The following RGS6 variants were observed in gnomAD, a reference collection of about 807,000 sequenced individuals.
RGS6 encodes regulator of G-protein signaling 6.
In RGS6, 30 loss-of-function variants were observed where a neutral mutation model predicts 78.5. The ratio of observed to expected loss-of-function variants is 0.38; its 90% CI spans 0.29 to 0.52. The LOEUF is 0.52. Ranked by LOEUF, RGS6 falls within the 20% of genes least tolerant of loss-of-function variation. The probability of loss-of-function intolerance (pLI) is 0.85; values close to 1 mark genes in which losing one functional copy is unlikely to be tolerated. For synonymous variants in RGS6, 206 were observed against 206.0 expected (o/e 1.00, Z 0.00); for missense variants, 495 against 609.7 (o/e 0.81, Z 1.98).
intron 3 of RGS6, among the ~76,000 whole-genome samples, chr14:72,359,072 A>G (rs527959409): frequency 5.9e-5 from 9 of 152,322 alleles, no homozygotes; most frequent in Admixed American, 2.0e-4. Context: ...TGCTGCTGCC[A>G]TGTGAAGAAG....
intron 2 of RGS6, among the ~76,000 whole-genome samples, chr14:72,012,542 T>C (rs1349160234): frequency 6.6e-6 from 1 of 152,228 alleles, no homozygotes; most frequent in Non-Finnish European, 1.5e-5. Flanking sequence ...TGCACCATTT[T>C]CCCCACTTCT....
intron 2 of RGS6, among the ~76,000 whole-genome samples, chr14:72,296,234 T>C (rs138491912): frequency 7.9e-5 from 12 of 152,358 alleles, no homozygotes; most frequent in Non-Finnish European, 1.6e-4. Context: ...ATTGTGTGAA[T>C]GAATATGCCA....
At chr14:72,207,008 T>C (rs2042876642) in intron 2 of RGS6, among the ~76,000 whole-genome samples, 1 of 152,240 alleles carries the variant, frequency 6.6e-6, no homozygotes, top group African/African-American at 2.4e-5. Context: ...TCCTTGCATA[T>C]TGTTTGAATT....
intron 2 of RGS6, among the ~76,000 whole-genome samples, chr14:72,093,505 A>C (rs890232283): frequency 6.6e-6 from 1 of 152,184 alleles, no homozygotes; most frequent in Non-Finnish European, 1.5e-5. Flanking sequence ...TGGCCTCCTA[A>C]AGTGCTGGCA....
At chr14:72,242,443 T>C (rs930619032) in intron 2 of RGS6, among the ~76,000 whole-genome samples, 1 of 152,228 alleles carries the variant, frequency 6.6e-6, no homozygotes, top group Non-Finnish European at 1.5e-5. Flanking sequence ...TGTTTTCACC[T>C]TAAAATAACC....
intron 3 of RGS6, among the ~76,000 whole-genome samples, chr14:72,368,325 T>C (rs977097812): frequency 6.6e-6 from 1 of 152,166 alleles, no homozygotes; most frequent in Admixed American, 6.5e-5. Context: ...TTCTCACTTT[T>C]TCTCAAGATG....
chr14:71,960,563 C>A (rs1490527711), intron 1 of RGS6, among the ~76,000 whole-genome samples: 1 of 152,106 alleles, frequency 6.6e-6, no homozygotes, highest in African/African-American at 2.4e-5. Context: ...AGGGGTGAAC[C>A]CCAACGATAA....
chr14:71,936,328 T>A (rs1367087742), intron 1 of RGS6, among the ~76,000 whole-genome samples: 1 of 151,960 alleles, frequency 6.6e-6, no homozygotes, highest in Non-Finnish European at 1.5e-5. Flanking sequence ...TTTTCATGTT[T>A]TTCTGCCTCC....
intron 14 of RGS6, among the ~76,000 whole-genome samples, chr14:72,514,908 C>A (rs867493787): frequency 6.6e-6 from 1 of 152,234 alleles, no homozygotes. Context: ...CAGAGAGGAG[C>A]TGCTGTGGCT....
chr14:72,352,209 G>T lies in RGS6; in HGVS notation c.184+15G>T, dbSNP rs2079230078. ...TGTCGTCACAGGTAACACCCTCCTT[G>T]CAAGGTGTTGGTAACAGTCAGAACT... On this transcript the variant is annotated intron_variant, in intron 3 of 17. Coordinates refer to ENST00000553525, the MANE Select transcript of RGS6 (RefSeq NM_001204424.2). The T allele has an allele frequency of 6.3e-7, 1 of 1,599,610 alleles. No individual in the cohort carries two copies. Among genetic ancestry groups the T allele is most frequent in the Non-Finnish European group, 8.6e-7 (1 of 1,167,966 alleles).
At chr14:72,126,948 C>T (rs951092311) in intron 2 of RGS6, among the ~76,000 whole-genome samples, 1 of 152,130 alleles carries the variant, frequency 6.6e-6, no homozygotes, top group Non-Finnish European at 1.5e-5. Context: ...TTAGCTGATC[C>T]CATGGTGGGG....
At chr14:72,208,177 C>A (rs1163218248) in intron 2 of RGS6, among the ~76,000 whole-genome samples, 2 of 152,206 alleles carry the variant, frequency 1.3e-5, no homozygotes, top group African/African-American at 4.8e-5. Flanking sequence ...GAAGACTTTA[C>A]TTTCTGAAGG....
intron 13 of RGS6, 77 bp from the exon 14 acceptor site, chr14:72,510,077 T>G: frequency 6.8e-7 from 1 of 1,468,430 alleles, no homozygotes; most frequent in Non-Finnish European, 9.1e-7. Flanking sequence ...AAAACAGACT[T>G]GAGTCACTGA....
At chr14:72,622,701 C>G in the RGS6 span, among the ~76,000 whole-genome samples, 1 of 151,930 alleles carries the variant, frequency 6.6e-6, no homozygotes, top group South Asian at 2.1e-4. Flanking sequence ...ACTCTCATGA[C>G]AAACACAATT....
intron 2 of RGS6, among the ~76,000 whole-genome samples, chr14:72,259,629 C>T (rs943253834): frequency 3.9e-5 from 6 of 152,230 alleles, no homozygotes; most frequent in African/African-American, 1.4e-4. Flanking sequence ...TAATGAGGGC[C>T]GGGCGCGGTG....
intron 1 of RGS6, among the ~76,000 whole-genome samples, chr14:71,958,935 C>A (rs561701314): frequency 2.0e-5 from 3 of 152,138 alleles, no homozygotes; most frequent in Non-Finnish European, 4.4e-5. Context: ...GGTCCTTGGG[C>A]AAGTTTTTGG....
the RGS6 span, among the ~76,000 whole-genome samples, chr14:71,896,420 T>C: frequency 1.6e-4 from 25 of 152,264 alleles, no homozygotes; most frequent in African/African-American, 4.8e-4. Context: ...ATGGCGCTGG[T>C]GGGAGTGTAG....
At chr14:72,313,577 T>G (rs919177513) in intron 2 of RGS6, among the ~76,000 whole-genome samples, 2 of 152,232 alleles carry the variant, frequency 1.3e-5, no homozygotes, top group Admixed American at 6.5e-5. Flanking sequence ...AAATTGCCGC[T>G]TCTCTTTTGC....
At chr14:72,562,271 A>C (rs1424155563) in intron 17 of RGS6, 146 bp from the exon 18 acceptor site, 2 of 753,828 alleles carry the variant, frequency 2.7e-6, no homozygotes, top group Admixed American at 2.2e-5. Flanking sequence ...ATACACCTAG[A>C]GATCAAATAT....
Sources: gnomAD v4.1 joint callset for allele counts (sites outside exome capture counted in the v4.1 genomes callset) on GRCh38, gnomAD v4.1.1 for gene constraint, MANE v1.5 for transcripts, NCBI Gene and HGNC (gene_info 2026-07-23, HGNC 2026-07-21) for gene names.